Variants in ECT2L observed in about 807,000 individuals in gnomAD.
The protein encoded by ECT2L is epithelial cell transforming 2 like.
Under a neutral mutation model 122.8 loss-of-function variants are expected in ECT2L, and 126 were observed. The ratio of observed to expected loss-of-function variants is 1.03; its 90% CI spans 0.89 to 1.19. The LOEUF (loss-of-function observed/expected upper bound fraction) is 1.19. Among genes scored for constraint, ECT2L ranks in the 50% most tolerant of loss-of-function variants. The probability of loss-of-function intolerance (pLI) is 0.00; values close to 1 mark genes in which losing one functional copy is unlikely to be tolerated. For missense variants in ECT2L, 1,012 were observed against 1,064.1 expected (o/e 0.95, Z 0.68); for synonymous variants, 385 against 381.8 (o/e 1.01, Z -0.10).
At chr6:138,841,466 A>G (rs1777037550) in intron 5 of ECT2L, among the ~76,000 whole-genome samples, 4 of 152,334 alleles carry the variant, frequency 2.6e-5, no homozygotes, top group Admixed American at 2.6e-4. Context: ...AGTCTTTGTG[A>G]GAGTTTGTCT....
At chr6:138,814,435 C>A in intron 3 of ECT2L, 56 bp from the exon 4 acceptor site, 3 of 1,076,508 alleles carry the variant, frequency 2.8e-6, no homozygotes, top group Non-Finnish European at 4.1e-6. Flanking sequence ...GATTGCTTAG[C>A]AATTAAAAAC....
rs190758712 is a variant in ECT2L at position 138,902,892 on chromosome 6, T to C, written c.*265T>C. The C allele has an allele frequency of 1.1e-5, 4 of 370,038 alleles. No individual in the cohort carries two copies. The highest frequency in any genetic ancestry group is 6.7e-5 in the East Asian group (1 of 14,818). The allele number at this position is 370,038 out of a possible 1,614,324, so 22.9% of individuals were successfully genotyped here. On this transcript the variant is annotated 3_prime_UTR_variant, in exon 22 of 22. Coordinates refer to ENST00000541398, the MANE Select transcript of ECT2L (RefSeq NM_001077706.3). ...CATGGATAATATTATTTAGAGTAAT[T>C]TGATGTGATGAAACCTAAGACAGAG...
At chr6:138,816,509 G>T (rs1776072508) in intron 4 of ECT2L, among the ~76,000 whole-genome samples, 1 of 151,740 alleles carries the variant, frequency 6.6e-6, no homozygotes, top group Non-Finnish European at 1.5e-5. Flanking sequence ...TTTTGAGATG[G>T]AGTCTTGCTC....
At chr6:138,876,827 G>C (rs1020985886) in intron 14 of ECT2L, among the ~76,000 whole-genome samples, 1 of 152,096 alleles carries the variant, frequency 6.6e-6, no homozygotes, top group African/African-American at 2.4e-5. Context: ...TTTCCTTTAT[G>C]GTACTAGGAT....
chr6:138,801,834 A>C (rs1775553389), intron 1 of ECT2L, among the ~76,000 whole-genome samples: 1 of 152,230 alleles, frequency 6.6e-6, no homozygotes, highest in Non-Finnish European at 1.5e-5. Context: ...GTAGGAAAAC[A>C]GGAGACTCAT....
chr6:138,798,820 G>A (rs945881098), intron 1 of ECT2L, among the ~76,000 whole-genome samples: 8 of 152,186 alleles, frequency 5.3e-5, no homozygotes, highest in African/African-American at 1.7e-4. Context: ...AGACAAGAAT[G>A]AAAACCTAAC....
At position 138,844,487 on chromosome 6, in the gene ECT2L, C is replaced by T. The variant is rs931213775; in HGVS notation, c.671C>T (p.Pro224Leu). The change falls in exon 7 of 22, where the codon CCA (proline) becomes CTA (leucine). Residue 224 changes from proline to leucine, a missense_variant. By Grantham distance (98) the Pro-to-Leu change is moderately conservative. Transcript: ENST00000541398. ...AGCGTGCTAAAGCCCAGATGCCAAC[C>T]ACGCCTCTCCCAGACTGTAAGGGAG... Reference protein sequence around the residue: ...CSSVLKPRCQPRLSQTVRERV... With the variant: ...CSSVLKPRCQLRLSQTVRERV... 1.2e-6 allele frequency: 2 copies of T among 1,614,146 alleles called. No homozygotes were observed. The highest frequency in any genetic ancestry group is 2.2e-5 in the East Asian group (1 of 44,878).
rs762633749 is a variant in ECT2L at position 138,843,208 on chromosome 6, G to T, written c.572G>T (p.Trp191Leu). Residue 191 changes from tryptophan (W) to leucine (L), a missense_variant, in exon 6 of 22, where the codon TGG becomes TTG. Trp to Leu is a moderately conservative substitution (Grantham distance 61). Coordinates refer to ENST00000541398, the MANE Select transcript of ECT2L (RefSeq NM_001077706.3). The stretch of plus-strand genomic sequence containing the variant: ...GAAAAGTGCCTGAGGAAAAGAATTT[G>T]GGAGAAAATTGCACTACGTAAGAGT... ...QREKCLRKRIWEKIALRKKEL... is the reference protein window; with the variant it reads ...QREKCLRKRILEKIALRKKEL... 11 of 1,608,162 alleles carry T rather than the reference G, an allele frequency of 6.8e-6. No individual in the cohort carries two copies. Among genetic ancestry groups the T allele is most frequent in the Middle Eastern group, 1.7e-4 (1 of 6,022 alleles).
At position 138,843,175 on chromosome 6, in the gene ECT2L, G is replaced by C; in HGVS notation, c.539G>C (p.Arg180Thr). 6.2e-7 allele frequency: 1 copy of C among 1,612,796 alleles called. No homozygotes were observed. The change falls in exon 6 of 22, where the codon AGA becomes ACA. Residue 180 changes from arginine (R) to threonine (T), a missense_variant. Physicochemically the swap from Arg to Thr is moderately conservative, Grantham distance 71. Transcript: ENST00000541398. ...ACAGAAGATGAGGAACTACTGGAGA[G>C]ACAAAGAGAAAAGTGCCTGAGGAAA... ...PKTEDEELLE[R>T]QREKCLRKRI...
chr6:138,828,053 G>C (rs1364558807), intron 4 of ECT2L, among the ~76,000 whole-genome samples: 4 of 151,924 alleles, frequency 2.6e-5, no homozygotes, highest in African/African-American at 9.7e-5. Flanking sequence ...ATTTACATTA[G>C]GTATATCTCC....
In ECT2L at chr6:138,903,366, AAAAAG is replaced by A. The variant is rs1355516832; in HGVS notation, c.*744_*748del. The A allele has an allele frequency of 1.3e-5, 2 of 150,988 alleles. No individual in the cohort carries two copies. The highest frequency in any genetic ancestry group is 5.0e-5 in the African/African-American group (2 of 40,288). The allele number at this position is 150,988 out of a possible 1,614,324, so 9.4% of individuals were successfully genotyped here. ...CAAGAGCGAACCTCTGTCTCAAAAA[AAAAAG>A]AAAAAAAAAAGGACAAGAAATACAA... On this transcript the variant is annotated 3_prime_UTR_variant, in exon 22 of 22. Transcript: ENST00000541398.
intron 13 of ECT2L, 35 bp downstream of exon 13, chr6:138,868,241 A>C (rs770923406): frequency 9.0e-6 from 14 of 1,560,064 alleles, no homozygotes; most frequent in African/African-American, 1.4e-5. Context: ...AACTATGAAA[A>C]CCAACATTTA....
chr6:138,895,422 A>T (rs1779174477), intron 20 of ECT2L, among the ~76,000 whole-genome samples: 1 of 152,174 alleles, frequency 6.6e-6, no homozygotes, highest in Non-Finnish European at 1.5e-5. Context: ...CTAAAGTCAT[A>T]GAATAAGTGC....
intron 9 of ECT2L, among the ~76,000 whole-genome samples, chr6:138,852,704 G>C (rs974657643): frequency 2.0e-5 from 3 of 152,098 alleles, no homozygotes; most frequent in Non-Finnish European, 4.4e-5. Flanking sequence ...CCTGTGCCTG[G>C]GGCAAGTTGT....
chr6:138,797,238 C>T (rs1423415866), intron 1 of ECT2L, among the ~76,000 whole-genome samples: 1 of 152,066 alleles, frequency 6.6e-6, no homozygotes, highest in African/African-American at 2.4e-5. Context: ...AATTGTCTTT[C>T]ATTTCTGTTT....
chr6:138,834,119 C>T (rs1222422227), intron 4 of ECT2L, among the ~76,000 whole-genome samples: 1 of 152,196 alleles, frequency 6.6e-6, no homozygotes, highest in Non-Finnish European at 1.5e-5. Context: ...GCAAAGTACA[C>T]ATTGTACATT....
chr6:138,856,272 T>C (rs1777607817), intron 10 of ECT2L, among the ~76,000 whole-genome samples: 1 of 152,242 alleles, frequency 6.6e-6, no homozygotes. Flanking sequence ...TGGAGTGCAG[T>C]GGCGTGATCT....
At chr6:138,883,953 C>T (rs1442593482) in intron 16 of ECT2L, among the ~76,000 whole-genome samples, 1 of 152,154 alleles carries the variant, frequency 6.6e-6, no homozygotes, top group Non-Finnish European at 1.5e-5. Flanking sequence ...GCCTCGACTT[C>T]CCCAGGCTCA....
intron 10 of ECT2L, among the ~76,000 whole-genome samples, chr6:138,855,981 A>C (rs917527985): frequency 1.3e-5 from 2 of 152,220 alleles, no homozygotes; most frequent in African/African-American, 4.8e-5. Flanking sequence ...CTCAAAAAAT[A>C]GGCTTTCTAT....
Sources: allele counts gnomAD v4.1 joint callset (sites outside exome capture counted in the v4.1 genomes callset), GRCh38; gene constraint gnomAD v4.1.1; transcripts MANE v1.5; gene names NCBI Gene and HGNC (gene_info 2026-07-23, HGNC 2026-07-21).